Variants in UBN2 observed in about 807,000 individuals in gnomAD.
UBN2 encodes the protein ubinuclein 2.
Under a neutral mutation model 120.2 loss-of-function variants are expected in UBN2, and 35 were observed. The ratio of observed to expected loss-of-function variants is 0.29; its 90% confidence interval spans 0.22 to 0.39. The LOEUF is 0.39. UBN2 is among the 10% of genes least tolerant of loss of function. UBN2 has a pLI of 1.00. For missense variants in UBN2, 1,693 were observed against 1,663.2 expected, an observed-to-expected ratio of 1.02 and a Z score of -0.31; for synonymous variants, 661 against 648.7, an observed-to-expected ratio of 1.02 and a Z score of -0.29.
downstream of UBN2, among the ~76,000 whole-genome samples, chr7:139,310,210 G>T (rs147338969): frequency 3.3e-5 from 5 of 151,130 alleles, no homozygotes; most frequent in Admixed American, 3.3e-4. Flanking sequence ...ATAAAGATTT[G>T]TTTTGCTTTG....
chr7:139,262,072 C>T (rs757429115), intron 6 of UBN2, among the ~76,000 whole-genome samples: 16 of 148,220 alleles, frequency 1.1e-4, no homozygotes, highest in South Asian at 2.1e-4. Context: ...CGTGAGCCAC[C>T]GCACCTGGTG....
intron 12 of UBN2, 70 bp downstream of exon 12, chr7:139,276,217 T>C: frequency 7.1e-7 from 1 of 1,416,186 alleles, no homozygotes; most frequent in Middle Eastern, 2.0e-4. Flanking sequence ...AAAGTATCAT[T>C]TATTAAATGC....
At chr7:139,233,833 G>A (rs1796093097) in intron 1 of UBN2, among the ~76,000 whole-genome samples, 1 of 151,836 alleles carries the variant, frequency 6.6e-6, no homozygotes, top group Non-Finnish European at 1.5e-5. Context: ...GATAACACCA[G>A]AACTACTACT....
intron 3 of UBN2, 113 bp from the exon 4 acceptor site, chr7:139,258,375 T>G: frequency 1.5e-6 from 1 of 675,302 alleles, no homozygotes; most frequent in African/African-American, 1.8e-5. Flanking sequence ...TATTGCAGTC[T>G]GTGTTGCAGT....
chr7:139,272,753 C>T (rs920538549), intron 9 of UBN2, among the ~76,000 whole-genome samples: 11 of 152,158 alleles, frequency 7.2e-5, no homozygotes, highest in African/African-American at 1.7e-4. Context: ...TCTCAAACTC[C>T]TGACCTCAGG....
chr7:139,248,314 T>TA (rs1343379270), intron 2 of UBN2, among the ~76,000 whole-genome samples: 1 of 152,150 alleles, frequency 6.6e-6, no homozygotes, highest in African/African-American at 2.4e-5. Flanking sequence ...GAAGAAAATG[T>TA]AAGAGTATTG....
intron 2 of UBN2, among the ~76,000 whole-genome samples, chr7:139,247,178 C>A: frequency 6.6e-6 from 1 of 151,606 alleles, no homozygotes; most frequent in Non-Finnish European, 1.5e-5. Context: ...CAAAAAACTA[C>A]CAAACCATTT....
the UBN2 span, among the ~76,000 whole-genome samples, chr7:139,329,185 GA>G: frequency 7.0e-6 from 1 of 142,360 alleles, no homozygotes; most frequent in East Asian, 2.0e-4. Context: ...GTGAGCAAAA[GA>G]TTTTTTTTTT....
At chr7:139,275,342 G>A (rs972237640) in intron 11 of UBN2, among the ~76,000 whole-genome samples, 1 of 150,706 alleles carries the variant, frequency 6.6e-6, no homozygotes, top group Non-Finnish European at 1.5e-5. Context: ...CCAGCACTTT[G>A]GGAGGCCAAG....
chr7:139,231,869 C>T lies in UBN2; in HGVS notation c.385C>T (p.Leu129=), dbSNP rs371594475. The change falls in exon 1 of 18, where the codon CTG becomes TTG. Residue 129 remains leucine, a synonymous_variant. Coordinates refer to ENST00000473989, the MANE Select transcript of UBN2 (RefSeq NM_173569.4). ...GCGGCCGCCGAGGGAGACGGTGCGC[C>T]TGGAGCTGGTGCTTAAGGACCCCAC... ...PPRPPRETVR[L]ELVLKDPTDE... is the part of the protein sequence containing the mutation. 609 of 1,570,480 alleles carry T rather than the reference C, an allele frequency of 3.9e-4. No homozygotes were observed. The highest frequency in any genetic ancestry group is 5.0e-4 in the Non-Finnish European group (580 of 1,164,908).
intron 2 of UBN2, among the ~76,000 whole-genome samples, chr7:139,241,344 A>T (rs762179244): frequency 6.6e-6 from 1 of 152,238 alleles, no homozygotes; most frequent in East Asian, 1.9e-4. Context: ...GCAGGGGCTC[A>T]GTTAAGACTC....
intron 4 of UBN2, 86 bp downstream of exon 4, chr7:139,258,711 G>A (rs925063884): frequency 1.6e-5 from 19 of 1,174,674 alleles, no homozygotes; most frequent in Admixed American, 5.2e-5. Context: ...ACGTGTGAAT[G>A]TAAGGAAAAG....
chr7:139,323,345 T>G, the UBN2 span, among the ~76,000 whole-genome samples: 1 of 152,084 alleles, frequency 6.6e-6, no homozygotes, highest in Non-Finnish European at 1.5e-5. Flanking sequence ...CACCTAGTTT[T>G]CTTTTACAAA....
Position 139,283,931 on chromosome 7 carries a change from C to A in UBN2, c.3026C>A (p.Thr1009Asn). Residue 1009 changes from threonine to asparagine, a missense_variant, in exon 15 of 18, where the codon ACC (threonine) becomes AAC (asparagine). By Grantham distance (65) the Thr-to-Asn change is moderately conservative (BLOSUM62 0). Transcript: ENST00000473989. The part of the protein sequence containing the change: ...LVSRTVPSTT[T>N]SSNYLAKAMV... ...TCTAGGACAGTACCTAGCACCACTA[C>A]CTCCAGTAACTATTTAGCCAAGGCT... 6.2e-7 allele frequency: 1 copy of A among 1,614,146 alleles called. No homozygotes were observed. The highest frequency in any genetic ancestry group is 8.5e-7 in the Non-Finnish European group (1 of 1,180,032).
At chr7:139,313,720 T>C in the UBN2 span, among the ~76,000 whole-genome samples, 1 of 152,198 alleles carries the variant, frequency 6.6e-6, no homozygotes, top group East Asian at 1.9e-4. Context: ...TTCTAGATTT[T>C]TGGTATATAG....
chr7:139,286,901 G>A (rs1797807145), intron 15 of UBN2, among the ~76,000 whole-genome samples: 2 of 152,188 alleles, frequency 1.3e-5, no homozygotes, highest in African/African-American at 4.8e-5. Context: ...TGCTACTAAT[G>A]TAGGCATAGG....
intron 16 of UBN2, 110 bp from the exon 17 acceptor site, chr7:139,293,779 C>A: frequency 3.1e-6 from 3 of 969,734 alleles, no homozygotes; most frequent in South Asian, 1.4e-5. Context: ...TTTTAGAAGG[C>A]CTTCGAAGTC....
rs765011485 is a variant in UBN2 at position 139,284,029 on chromosome 7, T to A, written c.3124T>A (p.Ser1042Thr). ...SMAASPKLAA[S>T]PKPATSPKPL... The stretch of plus-strand genomic sequence containing the variant: ...GGCTGCCTCCCCAAAACTTGCCGCA[T>A]CTCCCAAGCCTGCCACATCTCCTAA... Residue 1042 changes from serine (S) to threonine (T), a missense_variant, in exon 15 of 18, where the codon TCT becomes ACT. By Grantham distance (58) the Ser-to-Thr change is moderately conservative. Coordinates refer to ENST00000473989, the MANE Select transcript of UBN2 (RefSeq NM_173569.4). 1.9e-6 allele frequency: 3 copies of A among 1,613,840 alleles called. No individual in the cohort carries two copies. In the South Asian group the frequency reaches 3.3e-5, roughly 18 times the overall value.
chr7:139,293,845 A>C (rs376716451), intron 16 of UBN2, 44 bp from the exon 17 acceptor site: 24 of 1,586,814 alleles, frequency 1.5e-5, no homozygotes, highest in East Asian at 1.3e-4. Flanking sequence ...AAAAGGGCTC[A>C]AATCTGGATT....
Sources: allele counts gnomAD v4.1 joint callset (sites outside exome capture counted in the v4.1 genomes callset), GRCh38; gene constraint gnomAD v4.1.1; transcripts MANE v1.5; gene names NCBI Gene and HGNC (gene_info 2026-07-23, HGNC 2026-07-21).